ST8SIA5: variants seen among roughly 807,000 people sequenced by gnomAD.
ST8SIA5 encodes the protein ST8 alpha-N-acetyl-neuraminide alpha-2,8-sialyltransferase 5.
ST8SIA5 carries 24 observed loss-of-function variants against 40.2 expected under a neutral mutation model. That is an observed-to-expected ratio of 0.60 (90% CI 0.43 to 0.84). The LOEUF (loss-of-function observed/expected upper bound fraction) is 0.84. Ranked by LOEUF, ST8SIA5 falls within the 40% of genes least tolerant of loss-of-function variation. The probability of loss-of-function intolerance (pLI) is 0.00; values close to 1 mark genes in which losing one functional copy is unlikely to be tolerated. For synonymous variants in ST8SIA5, 198 were observed against 201.8 expected, an observed-to-expected ratio of 0.98 and a Z score of 0.16; for missense variants, 465 against 498.5, an observed-to-expected ratio of 0.93 and a Z score of 0.64.
chr18:46,735,331 C>G (rs951126515), intron 1 of ST8SIA5, among the ~76,000 whole-genome samples: 1 of 152,192 alleles, frequency 6.6e-6, no homozygotes, highest in African/African-American at 2.4e-5. Flanking sequence ...ATAAACTGCC[C>G]TTTATATATA....
chr18:46,680,328 A>G lies in ST8SIA5; in HGVS notation c.845T>C (p.Leu282Pro). The change falls in exon 7 of 7, where the codon CTG (leucine) becomes CCG (proline). Residue 282 changes from leucine to proline, a missense_variant. Physicochemically the swap from Leu to Pro is moderately conservative, Grantham distance 98. Coordinates refer to ENST00000315087, the MANE Select transcript of ST8SIA5 (RefSeq NM_013305.6). ...GAGCCAGTAGCGCGACACGTTGACC[A>G]GGTACTGCGGATGGAAGTAGTAGAC... ...QAVYYFHPQY[L>P]VNVSRYWLSL... 6.2e-7 allele frequency: 1 copy of G among 1,614,226 alleles called. No homozygotes were observed. The highest frequency in any genetic ancestry group is 2.2e-5 in the East Asian group (1 of 44,882).
chr18:46,701,561 T>C (rs758095882), intron 2 of ST8SIA5, among the ~76,000 whole-genome samples: 4 of 151,992 alleles, frequency 2.6e-5, no homozygotes, highest in Non-Finnish European at 5.9e-5. Flanking sequence ...GGGGCAACCA[T>C]ATAGGGACAC....
At chr18:46,692,133 T>C (rs759390000) in intron 3 of ST8SIA5, 36 bp downstream of exon 3, 3 of 1,607,426 alleles carry the variant, frequency 1.9e-6, no homozygotes, top group Non-Finnish European at 2.6e-6. Context: ...AGGAGAATCA[T>C]ACAAGGAGAA....
chr18:46,688,965 T>C (rs1156319926), intron 3 of ST8SIA5, 46 bp from the exon 4 acceptor site: 3 of 1,583,872 alleles, frequency 1.9e-6, no homozygotes, highest in Non-Finnish European at 1.7e-6. Flanking sequence ...GCAGGAAAGA[T>C]GTGATGGAGG....
intron 1 of ST8SIA5, among the ~76,000 whole-genome samples, chr18:46,726,742 C>T (rs2039934911): frequency 6.6e-6 from 1 of 151,996 alleles, no homozygotes; most frequent in South Asian, 2.1e-4. Context: ...GATGGTGGAT[C>T]CCCATCTCTA....
chr18:46,718,492 T>C (rs1374154492), intron 1 of ST8SIA5, among the ~76,000 whole-genome samples: 2 of 152,104 alleles, frequency 1.3e-5, no homozygotes, highest in East Asian at 1.9e-4. Context: ...CAGCCTGTAC[T>C]TCCCCAGCCT....
At chr18:46,690,944 G>A (rs886150993) in intron 3 of ST8SIA5, among the ~76,000 whole-genome samples, 2 of 152,194 alleles carry the variant, frequency 1.3e-5, no homozygotes, top group Non-Finnish European at 2.9e-5. Context: ...TCTGCCCTAA[G>A]TCTGGACAAC....
At chr18:46,726,009 A>G (rs1304392183) in intron 1 of ST8SIA5, among the ~76,000 whole-genome samples, 1 of 60,944 alleles carries the variant, frequency 1.6e-5, no homozygotes, top group African/African-American at 6.0e-5. Flanking sequence ...ATATATATAT[A>G]TCCTGGATAT....
intron 1 of ST8SIA5, chr18:46,730,349 G>T: frequency 1.4e-6 from 1 of 711,356 alleles, no homozygotes; most frequent in Non-Finnish European, 1.7e-6. Flanking sequence ...CTCAACCTAA[G>T]GATATAAACA....
chr18:46,729,621 T>C (rs2039966705), intron 1 of ST8SIA5, among the ~76,000 whole-genome samples: 1 of 152,130 alleles, frequency 6.6e-6, no homozygotes, highest in Non-Finnish European at 1.5e-5. Context: ...CAGTGGATAA[T>C]CCAGAGCTAG....
At chr18:46,680,920 T>C (rs1171435130) in intron 6 of ST8SIA5, among the ~76,000 whole-genome samples, 1 of 152,204 alleles carries the variant, frequency 6.6e-6, no homozygotes, top group African/African-American at 2.4e-5. Context: ...CAGCTGCCTG[T>C]CTTGGCTCAG....
At chr18:46,744,209 T>C (rs915117579) in intron 1 of ST8SIA5, among the ~76,000 whole-genome samples, 2 of 152,138 alleles carry the variant, frequency 1.3e-5, no homozygotes, top group South Asian at 4.2e-4. Context: ...AATTCACACA[T>C]AACAATATTA....
At chr18:46,701,325 G>C (rs2039613902) in intron 2 of ST8SIA5, among the ~76,000 whole-genome samples, 1 of 151,814 alleles carries the variant, frequency 6.6e-6, no homozygotes, top group Non-Finnish European at 1.5e-5. Flanking sequence ...ATTTTTAGTA[G>C]AGACAGGGTT....
At chr18:46,748,794 A>G (rs1599156375) in intron 1 of ST8SIA5, among the ~76,000 whole-genome samples, 1 of 152,144 alleles carries the variant, frequency 6.6e-6, no homozygotes, top group African/African-American at 2.4e-5. Flanking sequence ...ACAATGCTGG[A>G]GAAAATGTAA....
chr18:46,712,999 C>A (rs1202291446), intron 1 of ST8SIA5, among the ~76,000 whole-genome samples: 1 of 152,170 alleles, frequency 6.6e-6, no homozygotes, highest in African/African-American at 2.4e-5. Flanking sequence ...TCTGCAGTAG[C>A]AGCTGCCAAT....
intron 1 of ST8SIA5, among the ~76,000 whole-genome samples, chr18:46,715,292 G>A (rs547883835): frequency 3.9e-5 from 6 of 152,196 alleles, no homozygotes; most frequent in African/African-American, 7.2e-5. Context: ...CAGCCTGGAC[G>A]ATGGCATTCG....
chr18:46,709,855 CTT>C (rs2039705436), intron 1 of ST8SIA5, among the ~76,000 whole-genome samples: 1 of 152,116 alleles, frequency 6.6e-6, no homozygotes, highest in African/African-American at 2.4e-5. Context: ...GGTTATGATT[CTT>C]TTATTATTGG....
chr18:46,726,566 T>C (rs2039932078), intron 1 of ST8SIA5, among the ~76,000 whole-genome samples: 1 of 145,188 alleles, frequency 6.9e-6, no homozygotes, highest in South Asian at 2.4e-4. Flanking sequence ...TGAATGTTTG[T>C]TATATTGTTC....
intron 1 of ST8SIA5, among the ~76,000 whole-genome samples, chr18:46,735,674 G>C (rs1157713866): frequency 6.6e-6 from 1 of 152,110 alleles, no homozygotes; most frequent in Non-Finnish European, 1.5e-5. Context: ...ATGTAGCAGT[G>C]CTGTCATAGC....
Sources: gnomAD v4.1 joint callset for allele counts (sites outside exome capture counted in the v4.1 genomes callset) on GRCh38, gnomAD v4.1.1 for gene constraint, MANE v1.5 for transcripts, NCBI Gene and HGNC (gene_info 2026-07-23, HGNC 2026-07-21) for gene names.